Variants in PCDHGA3 observed in about 807,000 individuals in gnomAD.
PCDHGA3 encodes the protein protocadherin gamma subfamily A, 3.
PCDHGA3 carries 40 observed loss-of-function variants against 58.5 expected under a neutral mutation model. The ratio of observed to expected loss-of-function variants is 0.68; its 90% CI spans 0.53 to 0.89. The LOEUF (loss-of-function observed/expected upper bound fraction) is 0.89, where lower values mean the gene tolerates loss of function less well. Ranked by LOEUF, PCDHGA3 falls within the 40% of genes least tolerant of loss-of-function variation. The pLI is 0.00. For synonymous variants in PCDHGA3, 530 were observed against 525.7 expected, an observed-to-expected ratio of 1.01 and a Z score of -0.11; for missense variants, 1,223 against 1,195.9, an observed-to-expected ratio of 1.02 and a Z score of -0.33.
chr5:141,393,088 G>C (rs760420305), intron 1 of PCDHGA3: 4 of 1,613,648 alleles, frequency 2.5e-6, no homozygotes, highest in South Asian at 1.1e-5. Context: ...AGGATAGATC[G>C]GGAGGAGCTC....
chr5:141,503,164 C>G (rs1262310388), intron 2 of PCDHGA3, among the ~76,000 whole-genome samples: 2 of 152,068 alleles, frequency 1.3e-5, no homozygotes, highest in East Asian at 3.9e-4. Flanking sequence ...ATCACAATTG[C>G]AATTACTCTA....
At chr5:141,401,626 C>G (rs1476531463) in intron 1 of PCDHGA3, among the ~76,000 whole-genome samples, 1 of 152,174 alleles carries the variant, frequency 6.6e-6, no homozygotes, top group Non-Finnish European at 1.5e-5. Flanking sequence ...TTTGTCTTAT[C>G]GTTTGGAGCT....
chr5:141,354,337 C>A (rs1013818427), intron 1 of PCDHGA3, among the ~76,000 whole-genome samples: 3 of 152,134 alleles, frequency 2.0e-5, no homozygotes, highest in Non-Finnish European at 2.9e-5. Flanking sequence ...AGGTATTGTT[C>A]TAAAGATTGA....
At chr5:141,385,876 G>A (rs1395840676) in intron 1 of PCDHGA3, 1 of 152,842 alleles carries the variant, frequency 6.5e-6, no homozygotes, top group Non-Finnish European at 1.5e-5. Flanking sequence ...TTGGATTTAT[G>A]CCTAAAGAAT....
intron 1 of PCDHGA3, chr5:141,419,310 A>G: frequency 6.2e-7 from 1 of 1,613,948 alleles, no homozygotes; most frequent in Non-Finnish European, 8.5e-7. Flanking sequence ...TTCGGGCTCA[A>G]CGGCCGTGTC....
In PCDHGA3 at chr5:141,431,494, C is replaced by A; in HGVS notation, c.2425-63313C>A. 6.2e-7 allele frequency: 1 copy of A among 1,613,956 alleles called. No homozygotes were observed. Among genetic ancestry groups the A allele is most frequent in the Middle Eastern group, 1.6e-4 (1 of 6,062 alleles). On this transcript the variant is annotated intron_variant, in intron 1 of 3. Coordinates refer to ENST00000253812, the MANE Select transcript of PCDHGA3 (RefSeq NM_018916.4). This position sits in a 1 kb window ranked among gnomAD's most constrained non-coding sequence, Gnocchi z 4.8. Reference sequence around the variant, plus strand: ...ACAACGCACCAGCGTTTGCTCAGCCCGAGTACCGCGCGAGCGTTCCGGAGA... The same window carrying A: ...ACAACGCACCAGCGTTTGCTCAGCCAGAGTACCGCGCGAGCGTTCCGGAGA...
Position 141,448,073 on chromosome 5 carries a change from C to T in PCDHGA3, c.2425-46734C>T, listed in dbSNP as rs1025112556. ...TGCTCTCCAGCCTGGGCAACATGAA[C>T]GAAATGCCATCTTAAAAAAAAAAAA... On this transcript the variant is annotated intron_variant, in intron 1 of 3. Coordinates refer to ENST00000253812, the MANE Select transcript of PCDHGA3 (RefSeq NM_018916.4). 3.3e-5 allele frequency among the ~76,000 whole-genome samples: 5 copies of T among 151,432 alleles called. No individual in the cohort carries two copies. In the East Asian group the frequency reaches 5.8e-4, roughly 18 times the overall value.
Position 141,485,814 on chromosome 5 carries a change from C to T in PCDHGA3, c.2425-8993C>T, listed in dbSNP as rs2099619616. 7.4e-6 allele frequency: 12 copies of T among 1,613,982 alleles called. No individual in the cohort carries two copies. The East Asian group carries it at 2.2e-4, about 30-fold the overall frequency. On this transcript the variant is annotated intron_variant, in intron 1 of 3. Coordinates refer to ENST00000253812, the MANE Select transcript of PCDHGA3 (RefSeq NM_018916.4). This position sits in a 1 kb window ranked among gnomAD's most constrained non-coding sequence, Gnocchi z 5.7. ...TCGGACTACCGCCTGGTGCTGACTG[C>T]TGTCGATGGAGGGAACCCGCCGAGA...
chr5:141,399,727 G>A, intron 1 of PCDHGA3: 1 of 1,613,308 alleles, frequency 6.2e-7, no homozygotes, highest in Non-Finnish European at 8.5e-7. Context: ...CCGCGACCAG[G>A]GCTCGCCTGC....
chr5:141,421,174 C>T (rs2096550677), intron 1 of PCDHGA3: 2 of 1,378,742 alleles, frequency 1.5e-6, no homozygotes, highest in Non-Finnish European at 1.9e-6. Flanking sequence ...ATACATAAGC[C>T]GATTCACAAC....
intron 1 of PCDHGA3, chr5:141,410,911 T>C (rs927103159): frequency 2.6e-5 from 7 of 267,884 alleles, no homozygotes; most frequent in African/African-American, 7.8e-5. Flanking sequence ...TGGAGTGCAG[T>C]GGCGTGATCT....
At chr5:141,494,355 G>T (rs910437011) in intron 1 of PCDHGA3, among the ~76,000 whole-genome samples, 4 of 152,234 alleles carry the variant, frequency 2.6e-5, no homozygotes, top group African/African-American at 9.6e-5. Flanking sequence ...CCATCTTGCT[G>T]CAGAGGATGC....
rs747235974 is a variant in PCDHGA3 at position 141,355,555 on chromosome 5, G to A, written c.2424+9098G>A. ...AGAAGATACAGTGAAGATTTTGCGG[G>A]TAGAGGTGGAAATAATCGATGTTAA... On this transcript the variant is annotated intron_variant, in intron 1 of 3. Transcript: ENST00000253812. 6.2e-6 allele frequency: 10 copies of A among 1,613,946 alleles called. No homozygotes were observed. The African/African-American group carries it at 1.1e-4, about 17-fold the overall frequency.
chr5:141,508,269 C>G (rs1459186158), intron 3 of PCDHGA3: 1 of 152,186 alleles, frequency 6.6e-6, no homozygotes, highest in Non-Finnish European at 1.5e-5. Flanking sequence ...GAGAAAATCC[C>G]GGTCCTTGAC....
intron 1 of PCDHGA3, chr5:141,351,483 G>A (rs555713426): frequency 3.1e-6 from 5 of 1,613,858 alleles, no homozygotes; most frequent in East Asian, 4.5e-5. Flanking sequence ...GCCCTAAACC[G>A]GGAGCAGACA....
chr5:141,413,686 C>T, intron 1 of PCDHGA3: 4 of 1,613,812 alleles, frequency 2.5e-6, no homozygotes, highest in Non-Finnish European at 3.4e-6. Context: ...CGTGAACTCC[C>T]TGCAGAGCTA....
intron 1 of PCDHGA3, chr5:141,356,856 G>A (rs751780680): frequency 1.9e-6 from 3 of 1,614,198 alleles, no homozygotes; most frequent in East Asian, 2.2e-5. Context: ...GCCTCTTTGT[G>A]CTGGACCAGA....
At chr5:141,427,826 G>A (rs550161736) in intron 1 of PCDHGA3, 2 of 1,536,500 alleles carry the variant, frequency 1.3e-6, no homozygotes, top group Admixed American at 3.3e-5. Flanking sequence ...TGGTGGTCGC[G>A]CAGCGTGCCT....
At chr5:141,430,612 G>A (rs1406353008) in intron 1 of PCDHGA3, 2 of 680,678 alleles carry the variant, frequency 2.9e-6, no homozygotes, top group African/African-American at 3.7e-5. Flanking sequence ...GCACAAAGCA[G>A]ATAGCTAGGA....
Sources: allele counts gnomAD v4.1 joint callset (sites outside exome capture counted in the v4.1 genomes callset), GRCh38; gene constraint gnomAD v4.1.1; non-coding constraint Gnocchi (gnomAD v3.1); transcripts MANE v1.5; gene names NCBI Gene and HGNC (gene_info 2026-07-23, HGNC 2026-07-21).